The following AGTR1 variants were observed in gnomAD, a reference collection of about 807,000 sequenced individuals.
The protein encoded by AGTR1 is angiotensin II receptor type 1, also known as type-1 angiotensin II receptor.
In AGTR1, 16 loss-of-function variants were observed where a neutral mutation model predicts 19.4. The ratio of observed to expected loss-of-function variants is 0.82; its 90% CI spans 0.56 to 1.25. The LOEUF (loss-of-function observed/expected upper bound fraction) is 1.25, where lower values mean the gene tolerates loss of function less well. Among genes scored for constraint, AGTR1 ranks in the 50% most tolerant of loss-of-function variants. The pLI, the probability that AGTR1 is intolerant of heterozygous loss-of-function variation, is 0.00. For synonymous variants in AGTR1, 153 were observed against 154.9 expected, an observed-to-expected ratio of 0.99 and a Z score of 0.09; for missense variants, 373 against 431.9, an observed-to-expected ratio of 0.86 and a Z score of 1.21.
chr3:148,726,365 T>C (rs537562946), intron 2 of AGTR1, among the ~76,000 whole-genome samples: 3 of 152,174 alleles, frequency 2.0e-5, no homozygotes, highest in Admixed American at 6.5e-5. Flanking sequence ...CATGCCACCA[T>C]GCCTGGCTAA....
chr3:148,714,818 T>G (rs1302847982), intron 2 of AGTR1, among the ~76,000 whole-genome samples: 1 of 152,162 alleles, frequency 6.6e-6, no homozygotes, highest in East Asian at 1.9e-4. Flanking sequence ...ACTTCAAATA[T>G]GCATTGCCTA....
At chr3:148,719,054 A>G (rs981940672) in intron 2 of AGTR1, among the ~76,000 whole-genome samples, 1 of 152,110 alleles carries the variant, frequency 6.6e-6, no homozygotes, top group Admixed American at 6.5e-5. Flanking sequence ...TGATTTTTTT[A>G]TTCCCTGGTG....
At position 148,716,710 on chromosome 3, in the gene AGTR1, A is replaced by G. The variant is rs1713321970; in HGVS notation, c.-48+8683A>G. ...ATACGGCATTTTAGAGAAAACAAAC[A>G]TCTCTAAGTCACAAGGAGTGGAATA... On this transcript the variant is annotated intron_variant, in intron 2 of 2. Coordinates refer to ENST00000349243, the MANE Select transcript of AGTR1 (RefSeq NM_000685.5). This position sits in a 1 kb window ranked among gnomAD's most constrained non-coding sequence, Gnocchi z 4.7. Among the ~76,000 whole-genome samples the G allele has an allele frequency of 6.6e-6, 1 of 152,184 alleles. No individual in the cohort carries two copies. Among genetic ancestry groups the G allele is most frequent in the Non-Finnish European group, 1.5e-5 (1 of 68,028 alleles).
chr3:148,708,973 A>C (rs1175442249), intron 2 of AGTR1, among the ~76,000 whole-genome samples: 1 of 152,184 alleles, frequency 6.6e-6, no homozygotes, highest in Non-Finnish European at 1.5e-5. Context: ...CAGATTGGCA[A>C]GTAGGAATCA....
At chr3:148,727,259 C>T (rs1165673299) in intron 2 of AGTR1, among the ~76,000 whole-genome samples, 1 of 152,174 alleles carries the variant, frequency 6.6e-6, no homozygotes, top group African/African-American at 2.4e-5. Flanking sequence ...TCTCTTCTCT[C>T]CACTTGGTTT....
chr3:148,700,895 G>C (rs775680162), intron 1 of AGTR1, among the ~76,000 whole-genome samples: 3 of 152,112 alleles, frequency 2.0e-5, no homozygotes, highest in Non-Finnish European at 2.9e-5. Flanking sequence ...TGGATTATGT[G>C]GTTTGTGTTT....
chr3:148,739,970 C>T (rs1040541846), intron 2 of AGTR1: 13 of 1,231,726 alleles, frequency 1.1e-5, no homozygotes, highest in Non-Finnish European at 1.3e-5. Flanking sequence ...ATGTCACTCT[C>T]ACTGAACCTT....
At chr3:148,723,437 A>G (rs1028415675) in intron 2 of AGTR1, among the ~76,000 whole-genome samples, 25 of 152,152 alleles carry the variant, frequency 1.6e-4, no homozygotes, top group Admixed American at 5.9e-4. Context: ...CCCTTTCACT[A>G]CTGATGACCT....
At chr3:148,727,546 A>G (rs1475135188) in intron 2 of AGTR1, among the ~76,000 whole-genome samples, 1 of 152,172 alleles carries the variant, frequency 6.6e-6, no homozygotes, top group East Asian at 1.9e-4. Flanking sequence ...TGAAACCCTA[A>G]TGATGAATCT....
At chr3:148,699,318 T>G (rs980423971) in intron 1 of AGTR1, among the ~76,000 whole-genome samples, 3 of 152,186 alleles carry the variant, frequency 2.0e-5, no homozygotes, top group Admixed American at 6.5e-5. Context: ...GGGTTTTGGA[T>G]CTCCAGGTGT....
At chr3:148,736,822 C>T (rs938175459) in intron 2 of AGTR1, among the ~76,000 whole-genome samples, 1 of 152,080 alleles carries the variant, frequency 6.6e-6, no homozygotes, top group African/African-American at 2.4e-5. Context: ...AATAGTAAGA[C>T]CAAAAATAGG....
At chr3:148,738,168 G>C (rs1170410229) in intron 2 of AGTR1, among the ~76,000 whole-genome samples, 2 of 151,986 alleles carry the variant, frequency 1.3e-5, no homozygotes, top group Non-Finnish European at 2.9e-5. Context: ...GAGAGAGAAG[G>C]AGAAGAAAAT....
In AGTR1 at chr3:148,741,774, C is replaced by A. The variant is rs1714916161; in HGVS notation, c.739C>A (p.Leu247Ile). The A allele has an allele frequency of 4.3e-6, 7 of 1,613,112 alleles. No homozygotes were observed. The East Asian group carries it at 1.6e-4, about 36-fold the overall frequency. Residue 247 changes from leucine to isoleucine, a missense_variant, in exon 3 of 3, where the codon CTT (leucine) becomes ATT (isoleucine). Physicochemically the swap from Leu to Ile is conservative, Grantham distance 5 (BLOSUM62 2). Coordinates refer to ENST00000349243, the MANE Select transcript of AGTR1 (RefSeq NM_000685.5). ...TTTTAAGATAATTATGGCAATTGTG[C>A]TTTTCTTTTTCTTTTCCTGGATTCC... is the stretch of plus-strand genomic sequence containing the variant. ...DIFKIIMAIVLFFFFSWIPHQ... is the reference protein window; with the variant it reads ...DIFKIIMAIVIFFFFSWIPHQ...
chr3:148,717,047 C>CA (rs1249843113), intron 2 of AGTR1, among the ~76,000 whole-genome samples: 1 of 152,120 alleles, frequency 6.6e-6, no homozygotes, highest in Non-Finnish European at 1.5e-5. Flanking sequence ...GTTTTAAGGG[C>CA]AAAAACTTTG....
chr3:148,736,156 T>TA (rs1257255041), intron 2 of AGTR1, among the ~76,000 whole-genome samples: 1 of 151,946 alleles, frequency 6.6e-6, no homozygotes, highest in Non-Finnish European at 1.5e-5. Context: ...ATTCTTAGAA[T>TA]AAAAAAAGGA....
At chr3:148,713,624 G>C (rs1481447812) in intron 2 of AGTR1, among the ~76,000 whole-genome samples, 1 of 152,172 alleles carries the variant, frequency 6.6e-6, no homozygotes, top group Admixed American at 6.5e-5. Flanking sequence ...GAGTATTCCT[G>C]TCCTGATGTG....
In AGTR1 at chr3:148,709,546, C is replaced by CAT. The variant is rs1158150920; in HGVS notation, c.-48+1521_-48+1522dup. Among the ~76,000 whole-genome samples, 6 of 152,220 alleles carry CAT rather than the reference C, an allele frequency of 3.9e-5. No homozygotes were observed. In the South Asian group the frequency reaches 1.2e-3, roughly 32 times the overall value. On this transcript the variant is annotated intron_variant, in intron 2 of 2. Transcript: ENST00000349243. ...TTAAGTTTCAGATGAATAAGCAAAACATACTTAAGTCTAAGAAGCTATTTT... is the reference window on the plus strand; with the variant it reads ...TTAAGTTTCAGATGAATAAGCAAAACATATACTTAAGTCTAAGAAGCTATTTT...
chr3:148,700,968 G>C (rs140850770), intron 1 of AGTR1, among the ~76,000 whole-genome samples: 1 of 152,264 alleles, frequency 6.6e-6, no homozygotes, highest in Non-Finnish European at 1.5e-5. Context: ...CAGTAAATTT[G>C]ATCGATTTGT....
intron 1 of AGTR1, among the ~76,000 whole-genome samples, chr3:148,699,046 CTT>C (rs1712161556): frequency 6.6e-6 from 1 of 151,946 alleles, no homozygotes; most frequent in African/African-American, 2.4e-5. Context: ...GGCCTCTTCT[CTT>C]TGTTTGCTGA....
Sources: allele counts gnomAD v4.1 joint callset (sites outside exome capture counted in the v4.1 genomes callset), GRCh38; gene constraint gnomAD v4.1.1; non-coding constraint Gnocchi (gnomAD v3.1); transcripts MANE v1.5; gene names NCBI Gene and HGNC (gene_info 2026-07-23, HGNC 2026-07-21).